ANGPT2: variants seen among roughly 807,000 people sequenced by gnomAD.
ANGPT2 encodes angiopoietin 2.
A neutral mutation model predicts 62.9 loss-of-function variants in ANGPT2; 28 were observed. That is an observed-to-expected ratio of 0.44 (90% CI 0.33 to 0.61). ANGPT2 has a LOEUF of 0.61. Among genes scored for constraint, ANGPT2 ranks in the 20% least tolerant of loss-of-function variants. ANGPT2 has a pLI of 0.03. For missense variants in ANGPT2, 727 were observed against 594.9 expected, an observed-to-expected ratio of 1.22 and a Z score of -2.31; for synonymous variants, 284 against 207.8, an observed-to-expected ratio of 1.37 and a Z score of -3.15.
chr8:6,517,917 G>A (rs1207649590), intron 5 of ANGPT2, among the ~76,000 whole-genome samples: 2 of 152,186 alleles, frequency 1.3e-5, no homozygotes, highest in African/African-American at 4.8e-5. Flanking sequence ...AGAAAATTGA[G>A]GTTTGTGAAA....
chr8:6,555,106 A>G (rs575042335), intron 1 of ANGPT2, among the ~76,000 whole-genome samples: 9 of 152,240 alleles, frequency 5.9e-5, no homozygotes, highest in Admixed American at 5.9e-4. Flanking sequence ...ACCACTACCC[A>G]TGATTTTTTT....
chr8:6,560,770 A>T (rs754513272), intron 1 of ANGPT2, among the ~76,000 whole-genome samples: 2 of 152,248 alleles, frequency 1.3e-5, no homozygotes, highest in African/African-American at 4.8e-5. Flanking sequence ...TTTAAATGTT[A>T]TCTCAAAGAC....
intron 1 of ANGPT2, among the ~76,000 whole-genome samples, chr8:6,544,727 A>G (rs907083638): frequency 2.0e-5 from 3 of 152,204 alleles, no homozygotes; most frequent in African/African-American, 7.2e-5. Context: ...GAATTCATTA[A>G]GATAAAGACA....
At chr8:6,505,939 T>C (rs1183023424) in intron 8 of ANGPT2, among the ~76,000 whole-genome samples, 1 of 69,826 alleles carries the variant, frequency 1.4e-5, no homozygotes, top group Non-Finnish European at 2.4e-5. Flanking sequence ...AACATACATA[T>C]TCTTTATATA....
chr8:6,508,163 G>A (rs565003115), intron 8 of ANGPT2: 2 of 152,328 alleles, frequency 1.3e-5, no homozygotes, highest in African/African-American at 4.8e-5. Context: ...TAAAAAGACA[G>A]CTGGGGCCGG....
intron 8 of ANGPT2, 21 bp downstream of exon 8, chr8:6,508,907 TAGGA>T: frequency 6.2e-7 from 1 of 1,613,958 alleles, no homozygotes; most frequent in Non-Finnish European, 8.5e-7. Flanking sequence ...CCAATACAAA[TAGGA>T]AGACAGAAAG....
At chr8:6,514,618 C>T in intron 6 of ANGPT2, 59 bp downstream of exon 6, 4 of 1,481,854 alleles carry the variant, frequency 2.7e-6, no homozygotes, top group Admixed American at 1.7e-5. Context: ...TTCCGCAGAT[C>T]TTGAAAGCTA....
intron 1 of ANGPT2, among the ~76,000 whole-genome samples, chr8:6,556,382 G>A (rs1430722469): frequency 6.6e-6 from 1 of 152,086 alleles, no homozygotes; most frequent in African/African-American, 2.4e-5. Context: ...CAACCATTGA[G>A]AAATAGTTCT....
At chr8:6,561,296 A>G (rs1825499599) in intron 1 of ANGPT2, among the ~76,000 whole-genome samples, 1 of 152,236 alleles carries the variant, frequency 6.6e-6, no homozygotes, top group Non-Finnish European at 1.5e-5. Context: ...TCTACATTTG[A>G]TAGGTCATTT....
chr8:6,503,762 A>G lies in ANGPT2; in HGVS notation c.1328-501T>C, dbSNP rs539008640. Among the ~76,000 whole-genome samples the G allele has an allele frequency of 3.9e-5, 6 of 152,344 alleles. No individual in the cohort carries two copies. In the South Asian group the frequency reaches 1.2e-3, roughly 32 times the overall value. On this transcript the variant is annotated intron_variant, in intron 8 of 8. Coordinates refer to ENST00000629816, the MANE Select transcript of ANGPT2 (RefSeq NM_001118887.2). ...CATAAAAAGGAAGTCTCTATGTTTC[A>G]GAGACAAAAAGGAAATTTAAAGTGA... is the stretch of plus-strand genomic sequence containing the variant.
intron 1 of ANGPT2, among the ~76,000 whole-genome samples, chr8:6,558,117 A>G (rs1824947898): frequency 6.6e-6 from 1 of 152,024 alleles, no homozygotes; most frequent in African/African-American, 2.4e-5. Context: ...TCGTCATGTC[A>G]TTTTTGGGCC....
intron 5 of ANGPT2, among the ~76,000 whole-genome samples, chr8:6,517,146 A>G (rs142023124): frequency 3.3e-4 from 50 of 152,340 alleles, no homozygotes; most frequent in African/African-American, 1.2e-3. Context: ...AATTGATTAT[A>G]TCAGGATCAG....
At chr8:6,523,752 TA>T (rs1817807253) in intron 3 of ANGPT2, among the ~76,000 whole-genome samples, 1 of 152,192 alleles carries the variant, frequency 6.6e-6, no homozygotes, top group South Asian at 2.1e-4. Flanking sequence ...CACGCCCAGC[TA>T]ATTTTTTGTA....
chr8:6,559,162 C>G (rs1825115693), intron 1 of ANGPT2, among the ~76,000 whole-genome samples: 1 of 151,664 alleles, frequency 6.6e-6, no homozygotes. Flanking sequence ...CTCTAATGAA[C>G]CAAGCCCTGG....
At chr8:6,511,941 T>C (rs1377455737) in intron 7 of ANGPT2, among the ~76,000 whole-genome samples, 3 of 151,798 alleles carry the variant, frequency 2.0e-5, no homozygotes, top group Admixed American at 6.6e-5. Flanking sequence ...GATTCCTAAC[T>C]GTTGCCAGTT....
intron 1 of ANGPT2, among the ~76,000 whole-genome samples, chr8:6,547,585 G>T (rs192121403): frequency 6.6e-6 from 1 of 152,154 alleles, no homozygotes; most frequent in Non-Finnish European, 1.5e-5. Context: ...TTGGACCACC[G>T]TAGAATGGCT....
At chr8:6,553,968 C>A (rs2129575137) in intron 1 of ANGPT2, among the ~76,000 whole-genome samples, 1 of 152,084 alleles carries the variant, frequency 6.6e-6, no homozygotes, top group Middle Eastern at 3.4e-3. Flanking sequence ...GTAGCATGTC[C>A]AGTTGGATAC....
rs116371594 is a variant in ANGPT2, at chr8:6,540,062, C to T, written c.289-7575G>A. Among the ~76,000 whole-genome samples, 597 of 152,284 alleles carry T rather than the reference C, an allele frequency of 3.9e-3. 7 individuals carry two copies. The highest frequency in any genetic ancestry group is 0.014 in the African/African-American group (574 of 41,552). On this transcript the variant is annotated intron_variant, in intron 1 of 8. Transcript: ENST00000629816. ...GGCATTCTAACATTAATAGTCCATG[C>T]CTCTCCTCCTGTGGATAGGTACACC...
chr8:6,549,051 C>A (rs2515493), intron 1 of ANGPT2, among the ~76,000 whole-genome samples: 120,911 of 152,142 alleles, frequency 0.79, 48,700 homozygotes, highest in East Asian at 0.86. Flanking sequence ...GTATTTTCTG[C>A]AGAGTGGATT....
Sources: gnomAD v4.1 joint callset for allele counts (sites outside exome capture counted in the v4.1 genomes callset) on GRCh38, gnomAD v4.1.1 for gene constraint, MANE v1.5 for transcripts, NCBI Gene and HGNC (gene_info 2026-07-23, HGNC 2026-07-21) for gene names.